Variants in RP1 observed in about 807,000 individuals in gnomAD.
RP1 encodes oxygen-regulated protein 1.
In RP1, 16 loss-of-function variants were observed where a neutral mutation model predicts 14.8. The ratio of observed to expected loss-of-function variants is 1.08; its 90% confidence interval spans 0.73 to 1.65. The LOEUF is 1.65. RP1 is among the 40% of genes most tolerant of loss of function. The pLI, the probability that RP1 is intolerant of heterozygous loss-of-function variation, is 0.00. For synonymous variants in RP1, 876 were observed against 883.6 expected (o/e 0.99, Z 0.15); for missense variants, 2,631 against 2,535.0 (o/e 1.04, Z -0.81).
intron 12 of RP1, among the ~76,000 whole-genome samples, chr8:54,690,283 T>G (rs1166621989): frequency 6.6e-6 from 1 of 152,068 alleles, no homozygotes; most frequent in East Asian, 1.9e-4. Context: ...GATGATTAGC[T>G]GCAGTTCTTG....
chr8:54,738,565 G>A (rs372055356), intron 18 of RP1, among the ~76,000 whole-genome samples: 15 of 151,776 alleles, frequency 9.9e-5, no homozygotes, highest in African/African-American at 3.6e-4. Flanking sequence ...TTTCTTTGGC[G>A]AAAATTGTTT....
chr8:54,564,070 G>A (rs1480511947), intron 1 of RP1, among the ~76,000 whole-genome samples: 1 of 152,172 alleles, frequency 6.6e-6, no homozygotes, highest in African/African-American at 2.4e-5. Context: ...CCTCTGGGTG[G>A]CACTTGGCAG....
At chr8:54,723,545 A>C (rs1808582376) in intron 16 of RP1, among the ~76,000 whole-genome samples, 2 of 152,202 alleles carry the variant, frequency 1.3e-5, no homozygotes, top group Non-Finnish European at 2.9e-5. Context: ...ATGAATTTAT[A>C]TTCGCAGTGT....
chr8:54,808,583 G>A (rs1219593859), intron 24 of RP1, among the ~76,000 whole-genome samples: 1 of 152,196 alleles, frequency 6.6e-6, no homozygotes, highest in African/African-American at 2.4e-5. Context: ...TTGTTACAGA[G>A]CATGACTCTA....
chr8:54,836,216 G>T (rs567303879), intron 24 of RP1, among the ~76,000 whole-genome samples: 1 of 152,198 alleles, frequency 6.6e-6, no homozygotes, highest in Non-Finnish European at 1.5e-5. Context: ...AGGGAGAAAA[G>T]ATGTTGCAGG....
chr8:54,686,412 A>G (rs1807564513), intron 12 of RP1, among the ~76,000 whole-genome samples: 1 of 151,684 alleles, frequency 6.6e-6, no homozygotes, highest in Non-Finnish European at 1.5e-5. Context: ...GCCACCATGA[A>G]CCAATATTTC....
chr8:54,734,639 T>C, exon 18 of RP1: 1 of 1,535,794 alleles, frequency 6.5e-7, no homozygotes, highest in Non-Finnish European at 8.7e-7. Flanking sequence ...CTCAAGCCAA[T>C]GTCACTCTCT....
chr8:54,781,202 C>A, intron 23 of RP1: 1 of 217,642 alleles, frequency 4.6e-6, no homozygotes, highest in African/African-American at 2.3e-5. Context: ...GTTAGATTGT[C>A]AGTAATGGCT....
At chr8:54,714,529 A>C (rs917418429) in intron 15 of RP1, among the ~76,000 whole-genome samples, 7 of 152,138 alleles carry the variant, frequency 4.6e-5, no homozygotes, top group Non-Finnish European at 8.8e-5. Flanking sequence ...CCAGGAACTG[A>C]AGACAGCAAG....
intron 1 of RP1, among the ~76,000 whole-genome samples, chr8:54,606,863 C>T (rs4336590): frequency 1.3e-5 from 2 of 152,126 alleles, no homozygotes; most frequent in Admixed American, 1.3e-4. Flanking sequence ...GCATTCGTCA[C>T]GTAGTTCTCG....
At position 54,583,323 on chromosome 8, in the gene RP1, A is replaced by G. The variant is rs577901474; in HGVS notation, c.-13+24003A>G. Among the ~76,000 whole-genome samples the G allele has an allele frequency of 7.2e-5, 11 of 152,272 alleles. No individual in the cohort carries two copies. In the East Asian group the frequency reaches 1.9e-3, roughly 27 times the overall value. On this transcript the variant is annotated intron_variant, in intron 1 of 22. Transcript: ENST00000636932. ...ACGTTTATTGATTTGTGTATGTTGA[A>G]CCACCCTTGCATCCCAGGGATGAAG...
upstream of RP1, among the ~76,000 whole-genome samples, chr8:54,614,526 G>C (rs1470835231): frequency 2.0e-5 from 3 of 152,118 alleles, no homozygotes; most frequent in Non-Finnish European, 4.4e-5. Flanking sequence ...CTTCAAGCTT[G>C]GGAAGCCATG....
Position 54,627,989 on chromosome 8 carries a change from G to T in RP1, c.4107G>T (p.Gln1369His). ...TEELERGDDI[Q>H]KDLNILTDPE... ...AGTTAGAAAGAGGTGATGACATTCA[G>T]AAAGATCTAAATATTTTGACAGACC... The change falls in exon 4 of 4, where the codon CAG becomes CAT. Residue 1369 changes from glutamine to histidine, a missense_variant. Coordinates refer to ENST00000220676, the MANE Select transcript of RP1 (RefSeq NM_006269.2). The T allele has an allele frequency of 6.2e-7, 1 of 1,614,034 alleles. No individual in the cohort carries two copies. Among genetic ancestry groups the T allele is most frequent in the Non-Finnish European group, 8.5e-7 (1 of 1,179,948 alleles).
chr8:54,723,135 T>C (rs1367269778), intron 16 of RP1, among the ~76,000 whole-genome samples: 1 of 152,216 alleles, frequency 6.6e-6, no homozygotes, highest in African/African-American at 2.4e-5. Flanking sequence ...GCCTCTGTTC[T>C]GTCAAATGAG....
At chr8:54,591,314 A>G (rs972540427) in intron 1 of RP1, among the ~76,000 whole-genome samples, 1 of 152,100 alleles carries the variant, frequency 6.6e-6, no homozygotes, top group Non-Finnish European at 1.5e-5. Flanking sequence ...CCATCTTGTT[A>G]CTGTTTTTCA....
intron 15 of RP1, among the ~76,000 whole-genome samples, chr8:54,715,655 C>G (rs1055342994): frequency 1.3e-5 from 2 of 152,100 alleles, no homozygotes; most frequent in African/African-American, 4.8e-5. Flanking sequence ...TAGAAGTTTC[C>G]TAGAATGGTG....
rs1563333726 is a variant in RP1, at chr8:54,630,001, C to T, written c.6119C>T (p.Ser2040Leu). ...TTTTGTATGAATTTCTTGCACACATCATTGTTAGTTGTGGGTAATGTGGAT... is the reference window on the plus strand; with the variant it reads ...TTTTGTATGAATTTCTTGCACACATTATTGTTAGTTGTGGGTAATGTGGAT... ...ERFCMNFLHT[S>L]LLVVGNVDSN... Residue 2040 changes from serine to leucine, a missense_variant, in exon 4 of 4, where the codon TCA (serine) becomes TTA (leucine). By Grantham distance (145) the Ser-to-Leu change is moderately radical. Coordinates refer to ENST00000220676, the MANE Select transcript of RP1 (RefSeq NM_006269.2). 1 of 1,613,910 alleles carries T rather than the reference C, an allele frequency of 6.2e-7. No individual in the cohort carries two copies. Among genetic ancestry groups the T allele is most frequent in the Non-Finnish European group, 8.5e-7 (1 of 1,179,976 alleles).
chr8:54,709,043 C>A (rs1240270044), intron 15 of RP1, among the ~76,000 whole-genome samples: 1 of 152,180 alleles, frequency 6.6e-6, no homozygotes, highest in Non-Finnish European at 1.5e-5. Context: ...TTAAGTATCT[C>A]ACCCAGAGTC....
rs138002711 is a variant in RP1 at position 54,821,037 on chromosome 8, G to A, written c.3616-16413G>A. ...ATAAAAAGCCATATTTAAAGCAGACGAGTATAGAATAGCACTGCCAAAGGT... is the reference window on the plus strand; with the variant it reads ...ATAAAAAGCCATATTTAAAGCAGACAAGTATAGAATAGCACTGCCAAAGGT... On this transcript the variant is annotated intron_variant, in intron 24 of 28. Transcript: ENST00000637698. Among the ~76,000 whole-genome samples, 14 of 152,232 alleles carry A rather than the reference G, an allele frequency of 9.2e-5. No individual in the cohort carries two copies. The East Asian group carries it at 2.5e-3, about 27-fold the overall frequency.
Sources: gnomAD v4.1 joint callset for allele counts (sites outside exome capture counted in the v4.1 genomes callset) on GRCh38, gnomAD v4.1.1 for gene constraint, MANE v1.5 for transcripts, NCBI Gene and HGNC (gene_info 2026-07-23, HGNC 2026-07-21) for gene names.